The following RBFOX1 variants were observed in gnomAD, a reference collection of about 807,000 sequenced individuals.
RBFOX1 encodes RNA binding protein fox-1 homolog 1.
In RBFOX1, 8 loss-of-function variants were observed where a neutral mutation model predicts 57.7. That is an observed-to-expected ratio of 0.14 (90% CI 0.08 to 0.25). The LOEUF is 0.25. RBFOX1 is among the 10% of genes least tolerant of loss of function. The probability of loss-of-function intolerance (pLI) is 1.00; values close to 1 mark genes in which losing one functional copy is unlikely to be tolerated. For missense variants in RBFOX1, 611 were observed against 548.5 expected, an observed-to-expected ratio of 1.11 and a Z score of -1.14; for synonymous variants, 326 against 222.4, an observed-to-expected ratio of 1.47 and a Z score of -4.15.
chr16:5,683,267 A>G (rs2050400618), intron 3 of RBFOX1, among the ~76,000 whole-genome samples: 1 of 152,098 alleles, frequency 6.6e-6, no homozygotes. Context: ...TACCCAAGAG[A>G]TTCTGACTTC....
At chr16:5,411,915 T>C (rs2067031802) in intron 1 of RBFOX1, among the ~76,000 whole-genome samples, 1 of 152,096 alleles carries the variant, frequency 6.6e-6, no homozygotes, top group South Asian at 2.1e-4. Context: ...TGAACCCCAC[T>C]GCTCCTTTTT....
intron 2 of RBFOX1, among the ~76,000 whole-genome samples, chr16:6,409,559 A>G (rs1433106252): frequency 6.6e-6 from 1 of 152,222 alleles, no homozygotes; most frequent in Non-Finnish European, 1.5e-5. Context: ...ATATACCTCC[A>G]TGAAAAGTTG....
chr16:5,499,264 A>C (rs1223939832), intron 2 of RBFOX1, among the ~76,000 whole-genome samples: 1 of 152,198 alleles, frequency 6.6e-6, no homozygotes, highest in Non-Finnish European at 1.5e-5. Flanking sequence ...TTGGGTAGAA[A>C]ATACTAGAGG....
intron 3 of RBFOX1, among the ~76,000 whole-genome samples, chr16:6,767,947 T>TAATAATAATAAAGAAG (rs1410744665): frequency 9.9e-6 from 1 of 101,048 alleles, no homozygotes; most frequent in Non-Finnish European, 1.9e-5. Flanking sequence ...ATAATAATAA[T>TAATAATAATAAAGAAG]AAGAAGAAGA....
At chr16:5,540,763 C>T (rs1166987999) in intron 2 of RBFOX1, among the ~76,000 whole-genome samples, 1 of 152,170 alleles carries the variant, frequency 6.6e-6, no homozygotes, top group Non-Finnish European at 1.5e-5. Context: ...GGACTAGCAG[C>T]GTCAGAATCA....
chr16:6,321,438 G>A (rs2081778167), intron 2 of RBFOX1, among the ~76,000 whole-genome samples: 1 of 152,158 alleles, frequency 6.6e-6, no homozygotes, highest in South Asian at 2.1e-4. Context: ...AAGCCCCAAA[G>A]TGTCCTCTAT....
chr16:6,542,481 G>GTTTTTTTTTTTT (rs1567617665), intron 2 of RBFOX1, among the ~76,000 whole-genome samples: 3 of 37,150 alleles, frequency 8.1e-5, no homozygotes, highest in Admixed American at 4.0e-4. Context: ...TGGGACCATA[G>GTTTTTTTTTTTT]TCTTTTTTTT....
chr16:5,811,746 G>A lies in RBFOX1; in HGVS notation c.319-55557G>A, dbSNP rs537421733. ...TTACAGACGTGAGCCACCACACTAG[G>A]CCAGGACAAACTATTTTTAAGGCAT... On this transcript the variant is annotated intron_variant, in intron 3 of 19. Transcript: ENST00000641259. Among the ~76,000 whole-genome samples, 8 of 152,282 alleles carry A rather than the reference G, an allele frequency of 5.3e-5. No individual in the cohort carries two copies. In the East Asian group the frequency reaches 1.4e-3, roughly 26 times the overall value.
At chr16:7,644,254 A>G (rs753682819) in intron 11 of RBFOX1, among the ~76,000 whole-genome samples, 2 of 152,174 alleles carry the variant, frequency 1.3e-5, no homozygotes, top group African/African-American at 4.8e-5. Flanking sequence ...AGCAACAATC[A>G]TGGTTCATAT....
intron 3 of RBFOX1, among the ~76,000 whole-genome samples, chr16:6,752,264 C>T (rs1360996595): frequency 6.6e-6 from 1 of 152,114 alleles, no homozygotes; most frequent in African/African-American, 2.4e-5. Context: ...TTTATAACAT[C>T]GAAGTGATAG....
At chr16:7,198,640 A>C (rs2087433136) in intron 4 of RBFOX1, among the ~76,000 whole-genome samples, 1 of 152,170 alleles carries the variant, frequency 6.6e-6, no homozygotes, top group African/African-American at 2.4e-5. Context: ...CTCCTCCATC[A>C]CATGGTGGAA....
At chr16:7,677,698 T>G (rs1240174742) in intron 14 of RBFOX1, among the ~76,000 whole-genome samples, 1 of 152,220 alleles carries the variant, frequency 6.6e-6, no homozygotes, top group East Asian at 1.9e-4. Context: ...TCAGATGCTC[T>G]GCATGCACAA....
At chr16:7,346,778 C>T (rs1010650054) in intron 4 of RBFOX1, among the ~76,000 whole-genome samples, 4 of 152,084 alleles carry the variant, frequency 2.6e-5, no homozygotes, top group African/African-American at 4.8e-5. Context: ...GAGACCCATA[C>T]GATCATGTGG....
At chr16:6,262,428 G>A (rs974829713) in intron 1 of RBFOX1, among the ~76,000 whole-genome samples, 5 of 152,036 alleles carry the variant, frequency 3.3e-5, no homozygotes, top group Admixed American at 6.6e-5. Context: ...GAAGAATTGA[G>A]TCTCTTCTTA....
intron 3 of RBFOX1, among the ~76,000 whole-genome samples, chr16:6,751,478 A>C (rs1298996611): frequency 1.3e-5 from 2 of 152,164 alleles, no homozygotes; most frequent in Non-Finnish European, 2.9e-5. Context: ...CCTATGTCTT[A>C]GTCCATGTAC....
At chr16:7,043,697 A>G (rs1324228451) in intron 3 of RBFOX1, among the ~76,000 whole-genome samples, 5 of 152,332 alleles carry the variant, frequency 3.3e-5, no homozygotes, top group Non-Finnish European at 1.5e-5. Flanking sequence ...TGGACATGAA[A>G]ACATGAACAT....
intron 2 of RBFOX1, among the ~76,000 whole-genome samples, chr16:6,654,252 G>A (rs1812796777): frequency 6.6e-6 from 1 of 152,134 alleles, no homozygotes. Flanking sequence ...ATTTTGAATG[G>A]GAGAGATATT....
chr16:6,859,516 C>A (rs2058636389), intron 3 of RBFOX1, among the ~76,000 whole-genome samples: 1 of 151,870 alleles, frequency 6.6e-6, no homozygotes, highest in Non-Finnish European at 1.5e-5. Flanking sequence ...CATGGACCTG[C>A]AAATTTCCCA....
chr16:5,548,270 G>A (rs891721478), intron 2 of RBFOX1, among the ~76,000 whole-genome samples: 3 of 148,026 alleles, frequency 2.0e-5, no homozygotes, highest in Middle Eastern at 3.2e-3. Flanking sequence ...ACTAACTGTG[G>A]GGTACTATGC....
Sources: gnomAD v4.1 joint callset for allele counts (sites outside exome capture counted in the v4.1 genomes callset) on GRCh38, gnomAD v4.1.1 for gene constraint, MANE v1.5 for transcripts, NCBI Gene and HGNC (gene_info 2026-07-23, HGNC 2026-07-21) for gene names.